The following RNFT1 variants were observed in gnomAD, a reference collection of about 807,000 sequenced individuals.
The protein encoded by RNFT1 is E3 ubiquitin-protein ligase RNFT1.
RNFT1 carries 35 observed loss-of-function variants against 53.2 expected under a neutral mutation model. The ratio of observed to expected loss-of-function variants is 0.66; its 90% CI spans 0.50 to 0.87. The LOEUF (loss-of-function observed/expected upper bound fraction) is 0.87, where lower values mean the gene tolerates loss of function less well. Ranked by LOEUF, RNFT1 falls within the 40% of genes least tolerant of loss-of-function variation. The pLI, the probability that RNFT1 is intolerant of heterozygous loss-of-function variation, is 0.00. For synonymous variants in RNFT1, 141 were observed against 172.8 expected, an observed-to-expected ratio of 0.82 and a Z score of 1.44; for missense variants, 421 against 515.0, an observed-to-expected ratio of 0.82 and a Z score of 1.77.
intron 7 of RNFT1, among the ~76,000 whole-genome samples, chr17:59,955,682 A>C (rs1444376777): frequency 6.6e-6 from 1 of 152,206 alleles, no homozygotes; most frequent in Non-Finnish European, 1.5e-5. Flanking sequence ...CTTAGGGAAA[A>C]GGCCCTGGCC....
At chr17:59,960,295 A>ACATAT (rs1478450190) in intron 3 of RNFT1, 127 bp from the exon 4 acceptor site, 1 of 1,021,424 alleles carries the variant, frequency 9.8e-7, no homozygotes, top group East Asian at 2.9e-5. Context: ...AATATGTTAA[A>ACATAT]CTGTACATAA....
chr17:59,956,093 A>G (rs2045252482), intron 7 of RNFT1, among the ~76,000 whole-genome samples: 1 of 152,210 alleles, frequency 6.6e-6, no homozygotes, highest in African/African-American at 2.4e-5. Context: ...AATAAATTAC[A>G]ATGGAAGGAT....
Position 59,964,714 on chromosome 17 carries a change from C to A in RNFT1, c.-51G>T. Reference sequence around the variant, plus strand: ...GGCCATCAACCGCAAACCCCGCAAGCTCTTCTCTCAGCCCGGCGGCAACGG... The same window carrying A: ...GGCCATCAACCGCAAACCCCGCAAGATCTTCTCTCAGCCCGGCGGCAACGG... On this transcript the variant is annotated 5_prime_UTR_variant, in exon 1 of 9. Transcript: ENST00000305783. 6.5e-7 allele frequency: 1 copy of A among 1,543,696 alleles called. No individual in the cohort carries two copies. The highest frequency in any genetic ancestry group is 8.8e-7 in the Non-Finnish European group (1 of 1,142,740).
rs1417989907 is a variant in RNFT1, at chr17:59,958,433, A to T, written c.704T>A (p.Leu235Ter). 7 of 1,567,182 alleles carry T rather than the reference A, an allele frequency of 4.5e-6. No individual in the cohort carries two copies. The highest frequency in any genetic ancestry group is 6.0e-6 in the Non-Finnish European group (7 of 1,165,770). Residue 235 changes from leucine (L) to a stop codon, truncating the protein, a stop_gained, in exon 5 of 9, where the codon TTA becomes TAA. Transcript: ENST00000305783. LOFTEE classifies it high-confidence loss of function. Reference protein sequence around the residue: ...SQSLYYSLIFLNPTLDHLSFW... With the variant: ...SQSLYYSLIF ...GCTCAAATGGTCCAAAGTAGGATTT[A>T]AAAAAATTAAGCTACCAAAAGAAAA... is the stretch of plus-strand genomic sequence containing the variant.
intron 4 of RNFT1, 89 bp downstream of exon 4, chr17:59,959,979 C>A (rs1377780092): frequency 1.8e-5 from 21 of 1,197,998 alleles, no homozygotes; most frequent in Middle Eastern, 2.4e-4. Context: ...GAACTGAATA[C>A]AATAAGTACT....
chr17:59,959,014 G>A lies in RNFT1; in HGVS notation c.693-570C>T, dbSNP rs370678420. 2.7e-4 allele frequency among the ~76,000 whole-genome samples: 41 copies of A among 152,166 alleles called. 1 individual carries two copies. The highest frequency in any genetic ancestry group is 9.9e-4 in the African/African-American group (41 of 41,522). On this transcript the variant is annotated intron_variant, in intron 4 of 8. Transcript: ENST00000305783. ...TCTCTATCTACACTCTCTTTCCTGG[G>A]TTAGTTTTGTCCAGTCCTGTGGTTT...
intron 7 of RNFT1, among the ~76,000 whole-genome samples, chr17:59,954,781 A>G (rs1209314344): frequency 6.6e-6 from 1 of 152,218 alleles, no homozygotes; most frequent in Non-Finnish European, 1.5e-5. Flanking sequence ...TGCTAAACAT[A>G]AAAAAGTTTT....
At chr17:59,953,190 C>CTTTTTT in intron 8 of RNFT1, 79 bp from the exon 9 acceptor site, 1 of 775,826 alleles carries the variant, frequency 1.3e-6, no homozygotes, top group Non-Finnish European at 1.9e-6. Flanking sequence ...GAAAGGGATT[C>CTTTTTT]TTTTTTTTTT....
chr17:59,956,575 C>G (rs1384199814), intron 6 of RNFT1, 22 bp from the exon 7 acceptor site: 1 of 1,594,100 alleles, frequency 6.3e-7, no homozygotes, highest in South Asian at 1.1e-5. Flanking sequence ...AATAAGAGAT[C>G]ATTTATTAAT....
intron 7 of RNFT1, among the ~76,000 whole-genome samples, chr17:59,954,817 C>T (rs1426284986): frequency 1.3e-5 from 2 of 152,142 alleles, no homozygotes; most frequent in Non-Finnish European, 1.5e-5. Flanking sequence ...CTGTAAATGT[C>T]GCTTTGGTAG....
At chr17:59,959,967 C>A in intron 4 of RNFT1, 101 bp downstream of exon 4, 3 of 1,032,940 alleles carry the variant, frequency 2.9e-6, no homozygotes, top group Non-Finnish European at 3.9e-6. Context: ...AAAAACTGAA[C>A]TGAACTGAAT....
At chr17:59,954,190 T>C in intron 7 of RNFT1, 44 bp from the exon 8 acceptor site, 1 of 1,307,090 alleles carries the variant, frequency 7.7e-7, no homozygotes, top group South Asian at 1.3e-5. Context: ...TTTCTTTCTT[T>C]CCTGTTCCTC....
chr17:59,952,991 G>A lies in RNFT1; in HGVS notation c.1294C>T (p.Leu432Phe). 2 of 1,612,838 alleles carry A rather than the reference G, an allele frequency of 1.2e-6. No homozygotes were observed. Among genetic ancestry groups the A allele is most frequent in the South Asian group, 2.2e-5 (2 of 91,018 alleles). The change falls in exon 9 of 9, where the codon CTT becomes TTT. Residue 432 changes from leucine (L) to phenylalanine (F), a missense_variant. Coordinates refer to ENST00000305783, the MANE Select transcript of RNFT1 (RefSeq NM_016125.4). The stretch of plus-strand genomic sequence containing the variant: ...GTTTATACAACTTAATATATTTGAA[G>A]GTGTGATGAAGTGGCTCCATCCTTC... ...KWKDGATSSH[L>F]QIY is the part of the protein sequence containing the mutation.
In RNFT1 at chr17:59,962,836, G is replaced by A; in HGVS notation, c.505C>T (p.His169Tyr). ...TTTTATTATGTCCTACCTGTTATAT[G>A]CTGCATAACAAGTTTGACGCTCAGA... is the stretch of plus-strand genomic sequence containing the variant. ...LILSVKLVMQ[H>Y]ITGISLGIGL... Residue 169 changes from histidine (H) to tyrosine (Y), a missense_variant, in exon 2 of 9, where the codon CAT becomes TAT. Transcript: ENST00000305783. 6.2e-7 allele frequency: 1 copy of A among 1,609,668 alleles called. No individual in the cohort carries two copies.
intron 4 of RNFT1, chr17:59,958,689 A>G: frequency 3.7e-6 from 2 of 544,824 alleles, no homozygotes; most frequent in South Asian, 1.5e-5. Context: ...GTCATAGTTG[A>G]CACCTTTCTA....
chr17:59,954,183 C>A lies in RNFT1; in HGVS notation c.1072-37G>T, dbSNP rs570836715. 2.1e-5 allele frequency: 28 copies of A among 1,363,824 alleles called. No individual in the cohort carries two copies. In the South Asian group the frequency reaches 3.4e-4, roughly 16 times the overall value. 84.5% of individuals were successfully genotyped at this position (1,363,824 alleles called of 1,614,324 possible). On this transcript the variant is annotated intron_variant, in intron 7 of 8. Coordinates refer to ENST00000305783, the MANE Select transcript of RNFT1 (RefSeq NM_016125.4). ...GTAAGTTCTGTTCATCTACAAATTT[C>A]TTTCTTTCCTGTTCCTCAAATTACA... is the stretch of plus-strand genomic sequence containing the variant.
chr17:59,959,621 T>C (rs373021222), intron 4 of RNFT1: 1 of 152,378 alleles, frequency 6.6e-6, no homozygotes, highest in African/African-American at 2.4e-5. Context: ...AGTAAGTCAC[T>C]TAAAGCTCTC....
rs2045232738 is a variant in RNFT1 at position 59,953,242 on chromosome 17, C to A, written c.1174-131G>T. On this transcript the variant is annotated intron_variant, in intron 8 of 8. Coordinates refer to ENST00000305783, the MANE Select transcript of RNFT1 (RefSeq NM_016125.4). ...CTGAAGTCTTGCTCTGTCACCCAGG[C>A]CGGAGTGCAATGGCACCATCTCGGC... 4 of 716,800 alleles carry A rather than the reference C, an allele frequency of 5.6e-6. No individual in the cohort carries two copies. In the East Asian group the frequency reaches 1.2e-4, roughly 21 times the overall value. The allele number at this position is 716,800 out of a possible 1,614,324, so 44.4% of individuals were successfully genotyped here.
chr17:59,957,633 G>C (rs2045262197), intron 5 of RNFT1, among the ~76,000 whole-genome samples: 1 of 152,152 alleles, frequency 6.6e-6, no homozygotes, highest in Non-Finnish European at 1.5e-5. Context: ...ATCACCTGAG[G>C]TCAGGAGTTC....
Sources: gnomAD v4.1 joint callset for allele counts (sites outside exome capture counted in the v4.1 genomes callset) on GRCh38, gnomAD v4.1.1 for gene constraint, MANE v1.5 for transcripts, NCBI Gene and HGNC (gene_info 2026-07-23, HGNC 2026-07-21) for gene names.